Variants in USP10 observed in about 807,000 individuals in gnomAD.
USP10 encodes the protein ubiquitin specific peptidase 10.
Under a neutral mutation model 84.5 loss-of-function variants are expected in USP10, and 22 were observed. The observed-to-expected ratio is 0.26, with a 90% CI of 0.19 to 0.37. The LOEUF (loss-of-function observed/expected upper bound fraction) is 0.37. Ranked by LOEUF, USP10 falls within the 10% of genes least tolerant of loss-of-function variation. The probability of loss-of-function intolerance (pLI) is 1.00; values close to 1 mark genes in which losing one functional copy is unlikely to be tolerated. For synonymous variants in USP10, 454 were observed against 387.6 expected, an observed-to-expected ratio of 1.17 and a Z score of -2.01; for missense variants, 1,019 against 998.9, an observed-to-expected ratio of 1.02 and a Z score of -0.27.
intron 4 of USP10, among the ~76,000 whole-genome samples, chr16:84,747,618 A>G (rs1248125556): frequency 8.1e-6 from 1 of 123,138 alleles, no homozygotes; most frequent in African/African-American, 3.1e-5. Flanking sequence ...GCTGTAGTGC[A>G]GGAGGCACGA....
intron 1 of USP10, among the ~76,000 whole-genome samples, chr16:84,702,188 C>G (rs976338359): frequency 7.3e-5 from 11 of 150,684 alleles, no homozygotes; most frequent in African/African-American, 2.4e-4. Flanking sequence ...TCCCAAGTAG[C>G]TGGGATTACA....
At chr16:84,717,088 C>T (rs1482783595) in intron 1 of USP10, among the ~76,000 whole-genome samples, 1 of 152,182 alleles carries the variant, frequency 6.6e-6, no homozygotes, top group African/African-American at 2.4e-5. Flanking sequence ...AGATTCAGTA[C>T]ACCTGGGGTG....
chr16:84,719,376 C>T (rs1342333346), intron 1 of USP10, among the ~76,000 whole-genome samples: 1 of 152,140 alleles, frequency 6.6e-6, no homozygotes, highest in Non-Finnish European at 1.5e-5. Flanking sequence ...CACGGGAATG[C>T]CCCTACACAG....
intron 4 of USP10, among the ~76,000 whole-genome samples, chr16:84,749,007 A>G (rs555753913): frequency 6.6e-6 from 1 of 152,228 alleles, no homozygotes; most frequent in Non-Finnish European, 1.5e-5. Flanking sequence ...CTTTAAAAAT[A>G]TATAATTCTT....
chr16:84,700,067 G>A lies in USP10; in HGVS notation c.-24G>A, dbSNP rs1050424. On this transcript the variant is annotated 5_prime_UTR_variant, in exon 1 of 14. Transcript: ENST00000219473. The stretch of plus-strand genomic sequence containing the variant: ...GCAGCGTGAGCAGCCGGAGGATCGC[G>A]GAGTCCCAATGAAACGGGCAGCCAT... The A allele has an allele frequency of 1.6e-5, 22 of 1,371,868 alleles. No individual in the cohort carries two copies. The highest frequency in any genetic ancestry group is 2.0e-5 in the Non-Finnish European group (21 of 1,042,320). The allele number at this position is 1,371,868 out of a possible 1,614,324, so 85.0% of individuals were successfully genotyped here. A position where few individuals can be genotyped will look rare whatever the true frequency, so the allele number is the denominator to read the frequency against.
At chr16:84,771,192 A>G (rs1012437387) in intron 11 of USP10, among the ~76,000 whole-genome samples, 30 of 152,274 alleles carry the variant, frequency 2.0e-4, no homozygotes, top group Admixed American at 4.6e-4. Flanking sequence ...TAAAAGCAGC[A>G]TTCATCAGAC....
At chr16:84,768,697 G>A (rs1232531326) in intron 11 of USP10, among the ~76,000 whole-genome samples, 3 of 152,260 alleles carry the variant, frequency 2.0e-5, no homozygotes, top group Non-Finnish European at 2.9e-5. Context: ...TCATGATACC[G>A]TAGGGTACAA....
At chr16:84,712,909 CAG>C (rs2150765135) in intron 1 of USP10, among the ~76,000 whole-genome samples, 1 of 152,294 alleles carries the variant, frequency 6.6e-6, no homozygotes, top group African/African-American at 2.4e-5. Context: ...ATGCCTTCAC[CAG>C]AGTTACCAGC....
At chr16:84,720,866 G>A (rs925111490) in intron 1 of USP10, among the ~76,000 whole-genome samples, 1 of 149,322 alleles carries the variant, frequency 6.7e-6, no homozygotes, top group Non-Finnish European at 1.5e-5. Flanking sequence ...ACAGTCCTGG[G>A]CCACCGCGCC....
chr16:84,778,819 G>A, intron 13 of USP10, 76 bp from the exon 14 acceptor site: 1 of 1,436,472 alleles, frequency 7.0e-7, no homozygotes, highest in African/African-American at 1.4e-5. Context: ...CATCCCTGGA[G>A]GGAAGTCGGC....
intron 3 of USP10, among the ~76,000 whole-genome samples, chr16:84,742,343 C>G (rs1047246484): frequency 8.5e-5 from 13 of 152,194 alleles, no homozygotes; most frequent in African/African-American, 2.9e-4. Flanking sequence ...CCAGAAGAAT[C>G]CTTTTTCTAA....
At chr16:84,749,863 C>T (rs1911697453) in intron 4 of USP10, among the ~76,000 whole-genome samples, 2 of 151,968 alleles carry the variant, frequency 1.3e-5, no homozygotes, top group African/African-American at 4.8e-5. Flanking sequence ...AAGGCCATCT[C>T]CTCGGTGTAG....
chr16:84,743,333 G>T (rs552942535), intron 3 of USP10, among the ~76,000 whole-genome samples: 84 of 152,272 alleles, frequency 5.5e-4, no homozygotes, highest in Non-Finnish European at 1.0e-3. Context: ...ACAGTCGGGG[G>T]CTGTGATTCT....
Position 84,759,238 on chromosome 16 carries a change from T to C in USP10, c.1285-125T>C, listed in dbSNP as rs916348585. The C allele has an allele frequency of 8.4e-6, 7 of 835,504 alleles. No individual in the cohort carries two copies. The African/African-American group carries it at 1.2e-4, about 14-fold the overall frequency. The allele number at this position is 835,504 out of a possible 1,614,324, so 51.8% of individuals were successfully genotyped here. On this transcript the variant is annotated intron_variant, in intron 5 of 13. Transcript: ENST00000219473. ...TGGTTTATTCCTTTTCGTGGTGACATATCTAAGTAGTTCAACGTCCTTAGC... is the reference window on the plus strand; with the variant it reads ...TGGTTTATTCCTTTTCGTGGTGACACATCTAAGTAGTTCAACGTCCTTAGC...
chr16:84,700,208 G>A, intron 1 of USP10, 97 bp downstream of exon 1: 1 of 995,712 alleles, frequency 1.0e-6, no homozygotes, highest in Non-Finnish European at 1.3e-6. Context: ...CGGAGCGAGC[G>A]TGTGGGAGTG....
chr16:84,745,175 C>G lies in USP10; in HGVS notation c.694C>G (p.Leu232Val), dbSNP rs201317349. The change falls in exon 4 of 14, where the codon CTC (leucine) becomes GTC (valine). Residue 232 changes from leucine (L) to valine (V), a missense_variant. Around this residue, in one of 2 missense-constraint regions of USP10, gnomAD observed 787 missense variants for 708.8 expected, o/e 1.11. Transcript: ENST00000219473. ...IVPDSPFPGALGSDTRTAGQP... is the reference protein window; with the variant it reads ...IVPDSPFPGAVGSDTRTAGQP... ...GCCTGACAGTCCTTTCCCCGGAGCA[C>G]TCGGCAGTGACACCAGGACTGCAGG... 3.8e-5 allele frequency: 61 copies of G among 1,613,244 alleles called. No homozygotes were observed. Among genetic ancestry groups the G allele is most frequent in the Non-Finnish European group, 4.9e-5 (58 of 1,179,658 alleles).
intron 11 of USP10, among the ~76,000 whole-genome samples, chr16:84,770,286 A>G (rs1284550670): frequency 6.6e-6 from 1 of 152,196 alleles, no homozygotes; most frequent in Non-Finnish European, 1.5e-5. Flanking sequence ...GTATGGAAGT[A>G]TCTATAAGGA....
intron 4 of USP10, 95 bp downstream of exon 4, chr16:84,745,768 T>C: frequency 7.6e-7 from 1 of 1,311,898 alleles, no homozygotes; most frequent in South Asian, 1.5e-5. Context: ...CAATGGCAGA[T>C]TACCTGTGTG....
intron 2 of USP10, among the ~76,000 whole-genome samples, chr16:84,739,081 C>G (rs1230520643): frequency 7.1e-6 from 1 of 140,804 alleles, no homozygotes; most frequent in Non-Finnish European, 1.6e-5. Context: ...TTTTTTGAGA[C>G]AGAGTCTTGT....
Sources: allele counts gnomAD v4.1 joint callset (sites outside exome capture counted in the v4.1 genomes callset), GRCh38; gene constraint gnomAD v4.1.1; regional missense constraint gnomAD v4.1.1; transcripts MANE v1.5; gene names NCBI Gene and HGNC (gene_info 2026-07-23, HGNC 2026-07-21).